GPR63: variants seen among roughly 807,000 people sequenced by gnomAD.
GPR63 encodes G protein-coupled receptor 63.
In GPR63, 12 loss-of-function variants were observed where a neutral mutation model predicts 23.1. The ratio of observed to expected loss-of-function variants is 0.52; its 90% CI spans 0.33 to 0.84. The LOEUF (loss-of-function observed/expected upper bound fraction) is 0.84. Among genes scored for constraint, GPR63 ranks in the 40% least tolerant of loss-of-function variants. GPR63 has a pLI of 0.02. For synonymous variants in GPR63, 172 were observed against 191.1 expected, an observed-to-expected ratio of 0.90 and a Z score of 0.82; for missense variants, 472 against 515.6, an observed-to-expected ratio of 0.92 and a Z score of 0.82.
At chr6:96,836,144 AG>A (rs1428576342) in intron 1 of GPR63, among the ~76,000 whole-genome samples, 1 of 152,156 alleles carries the variant, frequency 6.6e-6, no homozygotes, top group East Asian at 1.9e-4. Context: ...GCAGAGACCT[AG>A]GGGTGTGAGA....
intron 1 of GPR63, among the ~76,000 whole-genome samples, chr6:96,835,382 T>A (rs1367707888): frequency 6.6e-6 from 1 of 152,250 alleles, no homozygotes; most frequent in East Asian, 1.9e-4. Context: ...TACATAAATA[T>A]AGATATATGT....
chr6:96,824,329 G>T (rs1368004838), intron 1 of GPR63, among the ~76,000 whole-genome samples: 1 of 152,002 alleles, frequency 6.6e-6, no homozygotes, highest in African/African-American at 2.4e-5. Context: ...AATATTTAAT[G>T]TTTCTTGAAA....
At chr6:96,806,546 T>C (rs770260123) in intron 1 of GPR63, among the ~76,000 whole-genome samples, 3 of 152,186 alleles carry the variant, frequency 2.0e-5, no homozygotes, top group Admixed American at 6.5e-5. Flanking sequence ...CTGTGGCACA[T>C]AGGGATTCTG....
intron 1 of GPR63, among the ~76,000 whole-genome samples, chr6:96,815,676 C>T (rs144692336): frequency 4.9e-4 from 75 of 152,126 alleles, no homozygotes; most frequent in African/African-American, 1.5e-3. Flanking sequence ...CAGGTGTACA[C>T]GTATGTCCAA....
At chr6:96,804,658 G>T (rs1159002803) in intron 1 of GPR63, among the ~76,000 whole-genome samples, 1 of 151,914 alleles carries the variant, frequency 6.6e-6, no homozygotes, top group South Asian at 2.1e-4. Flanking sequence ...TTATTTTAAA[G>T]GTTTTTTCAT....
chr6:96,822,231 T>C (rs1156575978), intron 1 of GPR63, among the ~76,000 whole-genome samples: 1 of 152,100 alleles, frequency 6.6e-6, no homozygotes, highest in Non-Finnish European at 1.5e-5. Flanking sequence ...ATAAAGATCA[T>C]TCTGCTCTAA....
At chr6:96,819,895 C>T (rs116841476) in intron 1 of GPR63, among the ~76,000 whole-genome samples, 8,940 of 147,764 alleles carry the variant, frequency 0.061, 313 homozygotes, top group Non-Finnish European at 0.086. Context: ...AGAATGGCGT[C>T]GACCCGGGAG....
At chr6:96,800,706 T>C (rs1258059300) in intron 1 of GPR63, among the ~76,000 whole-genome samples, 1 of 152,160 alleles carries the variant, frequency 6.6e-6, no homozygotes, top group African/African-American at 2.4e-5. Flanking sequence ...CTGACTTTCA[T>C]CCTTTCTTTT....
intron 1 of GPR63, among the ~76,000 whole-genome samples, chr6:96,807,216 T>G (rs1264980498): frequency 6.6e-6 from 1 of 152,226 alleles, no homozygotes; most frequent in Non-Finnish European, 1.5e-5. Flanking sequence ...CCTCTCTCTC[T>G]AGTCACTCCT....
intron 1 of GPR63, among the ~76,000 whole-genome samples, chr6:96,816,627 G>C (rs1451931216): frequency 6.6e-6 from 1 of 152,206 alleles, no homozygotes; most frequent in Non-Finnish European, 1.5e-5. Context: ...GAAGGCATGA[G>C]CTAATTCTGA....
chr6:96,804,791 C>G (rs2127945988), intron 1 of GPR63, among the ~76,000 whole-genome samples: 1 of 152,228 alleles, frequency 6.6e-6, no homozygotes, highest in South Asian at 2.1e-4. Context: ...GCATTTCCAA[C>G]TAATTTCTCT....
intron 1 of GPR63, among the ~76,000 whole-genome samples, chr6:96,819,729 A>C (rs1039295033): frequency 2.0e-5 from 3 of 151,480 alleles, no homozygotes; most frequent in East Asian, 3.9e-4. Flanking sequence ...ATTGCCAAAA[A>C]AAAAACAAAA....
intron 1 of GPR63, among the ~76,000 whole-genome samples, chr6:96,825,586 A>C (rs1461900503): frequency 1.4e-4 from 21 of 152,112 alleles, no homozygotes; most frequent in Admixed American, 1.4e-3. Flanking sequence ...AGATTCTTTT[A>C]TGTATGCTTC....
At chr6:96,808,298 T>C (rs1773950940) in intron 1 of GPR63, among the ~76,000 whole-genome samples, 1 of 152,064 alleles carries the variant, frequency 6.6e-6, no homozygotes, top group South Asian at 2.1e-4. Context: ...ATACAAATAC[T>C]TTTTTTCTTT....
At chr6:96,819,150 C>A (rs1774234327) in intron 1 of GPR63, among the ~76,000 whole-genome samples, 1 of 152,084 alleles carries the variant, frequency 6.6e-6, no homozygotes, top group Non-Finnish European at 1.5e-5. Context: ...ACCATTTGAC[C>A]CAGCAATCCC....
intron 1 of GPR63, among the ~76,000 whole-genome samples, chr6:96,816,155 T>TTTTC (rs1774158491): frequency 6.6e-6 from 1 of 152,240 alleles, no homozygotes; most frequent in Non-Finnish European, 1.5e-5. Context: ...TAATAATGTA[T>TTTTC]ATTAGCAAGT....
At position 96,799,500 on chromosome 6, in the gene GPR63, A is replaced by G; in HGVS notation, c.232T>C (p.Leu78=). 3.1e-6 allele frequency: 5 copies of G among 1,614,166 alleles called. No individual in the cohort carries two copies. Among genetic ancestry groups the G allele is most frequent in the Non-Finnish European group, 4.2e-6 (5 of 1,180,030 alleles). ...GCAGAAAGGGTGATCTGAAGAGGCA[A>G]GTTTAGGCTCTTAAATGCTGCTGGT... ...TTPAAFKSLN[L]PLQITLSAIM... is the part of the protein sequence containing the mutation. Residue 78 remains leucine (L), a synonymous_variant, in exon 2 of 2, where the codon TTG becomes CTG. Transcript: ENST00000229955.
At chr6:96,805,785 T>C (rs1049805395) in intron 1 of GPR63, among the ~76,000 whole-genome samples, 1 of 152,192 alleles carries the variant, frequency 6.6e-6, no homozygotes, top group Non-Finnish European at 1.5e-5. Context: ...CCTGCAGAGA[T>C]TGCAAAGATT....
chr6:96,819,574 C>A (rs1041228855), intron 1 of GPR63, among the ~76,000 whole-genome samples: 4 of 151,790 alleles, frequency 2.6e-5, no homozygotes, highest in Non-Finnish European at 5.9e-5. Flanking sequence ...GCATGCAGGG[C>A]TTAAAACCTA....
Sources: allele counts gnomAD v4.1 joint callset (sites outside exome capture counted in the v4.1 genomes callset), GRCh38; gene constraint gnomAD v4.1.1; transcripts MANE v1.5; gene names NCBI Gene and HGNC (gene_info 2026-07-23, HGNC 2026-07-21).